The following ECT2L variants were observed in gnomAD, a reference collection of about 807,000 sequenced individuals.
The protein encoded by ECT2L is epithelial cell transforming 2 like.
ECT2L carries 126 observed loss-of-function variants against 122.8 expected under a neutral mutation model. The observed-to-expected ratio is 1.03, with a 90% CI of 0.89 to 1.19. ECT2L has a LOEUF of 1.19. ECT2L is among the 50% of genes most tolerant of loss of function. The pLI is 0.00. For missense variants in ECT2L, 1,012 were observed against 1,064.1 expected (o/e 0.95, Z 0.68); for synonymous variants, 385 against 381.8 (o/e 1.01, Z -0.10).
At chr6:138,890,763 G>A (rs900512509) in intron 20 of ECT2L, among the ~76,000 whole-genome samples, 2 of 151,228 alleles carry the variant, frequency 1.3e-5, no homozygotes, top group East Asian at 1.9e-4. Context: ...GTTCTACTAG[G>A]GTCAATGAAT....
intron 20 of ECT2L, among the ~76,000 whole-genome samples, chr6:138,889,318 CTTTT>C (rs990377080): frequency 6.6e-6 from 1 of 151,900 alleles, no homozygotes; most frequent in African/African-American, 2.4e-5. Flanking sequence ...GGTCACTTTT[CTTTT>C]TTCTTTTTCT....
chr6:138,847,559 T>C (rs958440412), intron 8 of ECT2L, among the ~76,000 whole-genome samples: 4 of 146,324 alleles, frequency 2.7e-5, no homozygotes, highest in Non-Finnish European at 4.5e-5. Flanking sequence ...TTTTTTTTTT[T>C]AGTAAAGACG....
rs369303684 is a variant in ECT2L at position 138,886,960 on chromosome 6, T to A, written c.2325+38T>A. 5.1e-4 allele frequency: 786 copies of A among 1,532,382 alleles called. 3 individuals are homozygous for A. Among genetic ancestry groups the A allele is most frequent in the Middle Eastern group, 8.4e-4 (5 of 5,956 alleles). The allele number at this position is 1,532,382 out of a possible 1,614,324, so 94.9% of individuals were successfully genotyped here. Reference sequence around the variant, plus strand: ...AGGAACTTGCTGTATCTCATGCTCATGAATACAACCTCCAGTCTTTTGCAA... The same window carrying A: ...AGGAACTTGCTGTATCTCATGCTCAAGAATACAACCTCCAGTCTTTTGCAA... On this transcript the variant is annotated intron_variant, in intron 19 of 21. Coordinates refer to ENST00000541398, the MANE Select transcript of ECT2L (RefSeq NM_001077706.3).
intron 20 of ECT2L, among the ~76,000 whole-genome samples, chr6:138,896,018 C>A (rs1246901864): frequency 6.6e-6 from 1 of 151,280 alleles, no homozygotes; most frequent in African/African-American, 2.4e-5. Context: ...GTATGTTAAG[C>A]TTTTAGAATA....
chr6:138,806,082 C>T (rs932342272), intron 1 of ECT2L, among the ~76,000 whole-genome samples: 4 of 152,212 alleles, frequency 2.6e-5, no homozygotes, highest in African/African-American at 9.6e-5. Context: ...GCTTGAAGCC[C>T]AGTCTCTTGT....
intron 12 of ECT2L, among the ~76,000 whole-genome samples, chr6:138,865,840 A>AG (rs1778014552): frequency 6.6e-6 from 1 of 152,140 alleles, no homozygotes; most frequent in Non-Finnish European, 1.5e-5. Context: ...TTCCCCTACT[A>AG]CTTTCCGCCT....
intron 1 of ECT2L, among the ~76,000 whole-genome samples, chr6:138,802,913 T>C (rs935153011): frequency 6.6e-6 from 1 of 151,782 alleles, no homozygotes; most frequent in Non-Finnish European, 1.5e-5. Flanking sequence ...CCATCTCTAC[T>C]GAAAATACAA....
intron 1 of ECT2L, among the ~76,000 whole-genome samples, chr6:138,798,649 C>A (rs1476642726): frequency 6.6e-6 from 1 of 152,170 alleles, no homozygotes; most frequent in Non-Finnish European, 1.5e-5. Context: ...CCGAGTTCCT[C>A]ATCAATATAC....
At chr6:138,830,446 G>C (rs1776609192) in intron 4 of ECT2L, among the ~76,000 whole-genome samples, 1 of 152,132 alleles carries the variant, frequency 6.6e-6, no homozygotes, top group Admixed American at 6.5e-5. Flanking sequence ...TGCAAAAAGG[G>C]ATGTCAAAAA....
At chr6:138,800,166 C>T (rs1005752999) in intron 1 of ECT2L, among the ~76,000 whole-genome samples, 1 of 152,152 alleles carries the variant, frequency 6.6e-6, no homozygotes, top group East Asian at 1.9e-4. Flanking sequence ...AGCGAGATAA[C>T]AAAGGGGCCT....
At chr6:138,833,110 G>A (rs12205070) in intron 4 of ECT2L, among the ~76,000 whole-genome samples, 30,279 of 151,904 alleles carry the variant, frequency 0.2, 3,816 homozygotes, top group Middle Eastern at 0.29. Context: ...ACAGCGTGGG[G>A]GAAACCACCT....
intron 1 of ECT2L, among the ~76,000 whole-genome samples, chr6:138,801,516 C>A (rs541216600): frequency 1.3e-5 from 2 of 152,322 alleles, no homozygotes; most frequent in East Asian, 3.9e-4. Flanking sequence ...CTTTGGGAGG[C>A]TGAAGTGGGC....
chr6:138,813,024 T>A, intron 2 of ECT2L, 47 bp downstream of exon 2: 2 of 351,586 alleles, frequency 5.7e-6, no homozygotes, highest in Non-Finnish European at 5.1e-6. Context: ...GGGATTTTTG[T>A]GTATATTTGT....
intron 12 of ECT2L, among the ~76,000 whole-genome samples, chr6:138,867,655 C>CAAAAAA (rs71009601): frequency 8.7e-6 from 1 of 114,442 alleles, no homozygotes; most frequent in African/African-American, 3.7e-5. Flanking sequence ...CCTAAAACTA[C>CAAAAAA]AAAAAAAAAA....
intron 13 of ECT2L, among the ~76,000 whole-genome samples, chr6:138,873,406 T>C: frequency 6.6e-6 from 1 of 152,208 alleles, no homozygotes; most frequent in Admixed American, 6.5e-5. Context: ...TGATTTTCCT[T>C]ACATTAGGGT....
Position 138,849,441 on chromosome 6 carries a change from C to T in ECT2L, c.1069+7C>T. The T allele has an allele frequency of 6.8e-6, 11 of 1,610,448 alleles. No homozygotes were observed. Among genetic ancestry groups the T allele is most frequent in the Non-Finnish European group, 8.5e-6 (10 of 1,178,286 alleles). ...GAAATCAATTTACTCCAAGGTAGGC[C>T]TGGGGATTGGCGGATGAACAACCAT... On this transcript the variant is annotated splice_region_variant and intron_variant, in intron 9 of 21. Transcript: ENST00000541398.
At chr6:138,859,274 C>T (rs1043191859) in intron 10 of ECT2L, among the ~76,000 whole-genome samples, 5 of 152,198 alleles carry the variant, frequency 3.3e-5, no homozygotes, top group Admixed American at 2.0e-4. Context: ...TTACATTCTA[C>T]ACGTATACCA....
intron 19 of ECT2L, among the ~76,000 whole-genome samples, chr6:138,887,785 CTTTT>C (rs1411230585): frequency 6.6e-6 from 1 of 152,208 alleles, no homozygotes; most frequent in Non-Finnish European, 1.5e-5. Context: ...TCTGAAATTG[CTTTT>C]CTTTCCTATT....
Position 138,843,239 on chromosome 6 carries a change from G to C in ECT2L, c.595+8G>C. On this transcript the variant is annotated splice_region_variant and intron_variant, in intron 6 of 21. Coordinates refer to ENST00000541398, the MANE Select transcript of ECT2L (RefSeq NM_001077706.3). ...AAATTGCACTACGTAAGAGTAAGTAGCATTTTAAACCTTTATATCTTAGGT... is the reference window on the plus strand; with the variant it reads ...AAATTGCACTACGTAAGAGTAAGTACCATTTTAAACCTTTATATCTTAGGT... 6.3e-7 allele frequency: 1 copy of C among 1,579,572 alleles called. No individual in the cohort carries two copies. The highest frequency in any genetic ancestry group is 8.6e-7 in the Non-Finnish European group (1 of 1,162,200).
Sources: gnomAD v4.1 joint callset for allele counts (sites outside exome capture counted in the v4.1 genomes callset) on GRCh38, gnomAD v4.1.1 for gene constraint, MANE v1.5 for transcripts, NCBI Gene and HGNC (gene_info 2026-07-23, HGNC 2026-07-21) for gene names.